The following MEGF8 variants were observed in gnomAD, a reference collection of about 807,000 sequenced individuals.
MEGF8 encodes the protein multiple EGF like domains 8, also known as multiple epidermal growth factor-like domains protein 8.
Under a neutral mutation model 302.9 loss-of-function variants are expected in MEGF8, and 156 were observed. The observed-to-expected ratio is 0.52, with a 90% CI of 0.45 to 0.59. The LOEUF is 0.59. Ranked by LOEUF, MEGF8 falls within the 20% of genes least tolerant of loss-of-function variation. The pLI, the probability that MEGF8 is intolerant of heterozygous loss-of-function variation, is 0.00. For missense variants in MEGF8, 3,345 were observed against 3,964.5 expected (o/e 0.84, Z 4.20); for synonymous variants, 1,621 against 1,660.5 (o/e 0.98, Z 0.58).
intron 8 of MEGF8, among the ~76,000 whole-genome samples, chr19:42,340,642 A>G (rs972140114): frequency 1.4e-5 from 2 of 147,156 alleles, no homozygotes; most frequent in African/African-American, 2.5e-5. Flanking sequence ...GTGCCCGGCC[A>G]GGCATTATTA....
rs1354145274 is a variant in MEGF8, at chr19:42,375,326, A to C, written c.7270-181A>C. On this transcript the variant is annotated intron_variant, in intron 41 of 41. Coordinates refer to ENST00000251268, the MANE Select transcript of MEGF8 (RefSeq NM_001271938.2). This position sits in a 1 kb window ranked among gnomAD's most constrained non-coding sequence, Gnocchi z 7.1. ...CAGTGCTGGAGTGCCAGGTCCTGGC[A>C]AGGTCTACACTGTGGCAGAGAAGGT... 6.6e-6 allele frequency among the ~76,000 whole-genome samples: 1 copy of C among 152,110 alleles called. No homozygotes were observed. Among genetic ancestry groups the C allele is most frequent in the South Asian group, 2.1e-4 (1 of 4,830 alleles).
chr19:42,342,464 C>G (rs2039227988), intron 8 of MEGF8, among the ~76,000 whole-genome samples: 1 of 152,146 alleles, frequency 6.6e-6, no homozygotes, highest in Admixed American at 6.6e-5. Context: ...CAGTAAAACC[C>G]CGTTTTTACT....
In MEGF8 at chr19:42,343,328, A is replaced by C. The variant is rs2039241040; in HGVS notation, c.1514-149A>C. Reference sequence around the variant, plus strand: ...GAGGGAGCTCAGCTTGTTCAGGGCCAGGTGGGCTGGGAGAGTGTCCTTGGG... The same window carrying C: ...GAGGGAGCTCAGCTTGTTCAGGGCCCGGTGGGCTGGGAGAGTGTCCTTGGG... On this transcript the variant is annotated intron_variant, in intron 8 of 41. Coordinates refer to ENST00000251268, the MANE Select transcript of MEGF8 (RefSeq NM_001271938.2). The C allele has an allele frequency of 1.3e-5, 10 of 755,722 alleles. No individual in the cohort carries two copies. In the South Asian group the frequency reaches 2.5e-4, roughly 19 times the overall value. 46.8% of individuals were successfully genotyped at this position (755,722 alleles called of 1,614,324 possible). A position where few individuals can be genotyped will look rare whatever the true frequency, so the allele number is the denominator to read the frequency against.
chr19:42,354,733 G>A lies in MEGF8; in HGVS notation c.4144+13G>A. ...CAGGCCCTGTCTGGTACGGGGGCTA[G>A]GGGAAGTGGGACCTCTTAGTCCTGG... On this transcript the variant is annotated intron_variant, in intron 23 of 41. Transcript: ENST00000251268. This position sits in a 1 kb window ranked among gnomAD's most constrained non-coding sequence, Gnocchi z 4.3. 1 of 1,591,618 alleles carries A rather than the reference G, an allele frequency of 6.3e-7. No individual in the cohort carries two copies. Among genetic ancestry groups the A allele is most frequent in the Non-Finnish European group, 8.5e-7 (1 of 1,170,430 alleles).
In MEGF8 at chr19:42,351,599, C is replaced by G. The variant is rs774179916; in HGVS notation, c.2987+39C>G. On this transcript the variant is annotated intron_variant, in intron 17 of 41. Transcript: ENST00000251268. The surrounding 1 kb of genome is among the most constrained non-coding windows in gnomAD (Gnocchi z 5.6). ...GGCAGGGCTAACAGAGGAAGATTCC[C>G]CACCGGCAAGGGGCTGGGGCTCTGA... 1.5e-5 allele frequency: 24 copies of G among 1,603,046 alleles called. No homozygotes were observed. The highest frequency in any genetic ancestry group is 2.0e-5 in the Non-Finnish European group (23 of 1,175,250).
In MEGF8 at chr19:42,359,217, T is replaced by C. The variant is rs370482940; in HGVS notation, c.5463T>C (p.Asn1821=). The change falls in exon 31 of 42, where the codon AAT becomes AAC. Residue 1821 remains asparagine, a synonymous_variant. Coordinates refer to ENST00000251268, the MANE Select transcript of MEGF8 (RefSeq NM_001271938.2). ...TTCTGCTCTACCAGGTCAACTGCAA[T>C]GCCTGGCTTCTGCCCGACCTCACCC... is the stretch of plus-strand genomic sequence containing the variant. ...SDVLLYQVNC[N]AWLLPDLTRS... The C allele has an allele frequency of 8.2e-6, 13 of 1,589,496 alleles. No homozygotes were observed. The South Asian group carries it at 1.1e-4, about 14-fold the overall frequency.
Position 42,358,344 on chromosome 19 carries a change from G to A in MEGF8, c.5175+37G>A. On this transcript the variant is annotated intron_variant, in intron 29 of 41. Transcript: ENST00000251268. The surrounding 1 kb of genome is among the most constrained non-coding windows in gnomAD (Gnocchi z 4.4). Reference sequence around the variant, plus strand: ...AGGCTCAGACCCAAGGATGTATGGGGCAGGAGGGAGGGGTCCTCTTTCCCA... The same window carrying A: ...AGGCTCAGACCCAAGGATGTATGGGACAGGAGGGAGGGGTCCTCTTTCCCA... 1 of 1,555,798 alleles carries A rather than the reference G, an allele frequency of 6.4e-7. No homozygotes were observed. The highest frequency in any genetic ancestry group is 8.7e-7 in the Non-Finnish European group (1 of 1,155,368).
chr19:42,362,238 G>A, intron 33 of MEGF8, 25 bp downstream of exon 33: 1 of 1,609,886 alleles, frequency 6.2e-7, no homozygotes, highest in Non-Finnish European at 8.5e-7. Context: ...AGGCAGGGAT[G>A]AGAAGCAGCA....
Position 42,359,099 on chromosome 19 carries a change from C to T in MEGF8, c.5345C>T (p.Pro1782Leu), listed in dbSNP as rs537432708. The change falls in exon 31 of 42, where the codon CCC becomes CTC. Residue 1782 changes from proline to leucine, a missense_variant and splice_region_variant. Transcript: ENST00000251268. ...CCCCACCCCCCGTCTCCCCAACAGC[C>T]CCGCCCCCGGCTTTTCCACGCCTCA... ...LEEISPHLKE[P>L]RPRLFHASAL... 15 of 1,523,072 alleles carry T rather than the reference C, an allele frequency of 9.8e-6. No individual in the cohort carries two copies. The African/African-American group carries it at 1.7e-4, about 17-fold the overall frequency. 94.3% of individuals were successfully genotyped at this position (1,523,072 alleles called of 1,614,324 possible). A position where few individuals can be genotyped will look rare whatever the true frequency, so the allele number is the denominator to read the frequency against.
At chr19:42,333,544 G>T in intron 1 of MEGF8, 61 bp from the exon 2 acceptor site, 1 of 1,525,820 alleles carries the variant, frequency 6.6e-7, no homozygotes, top group South Asian at 1.2e-5. Flanking sequence ...GTGGGAGGCT[G>T]CAGGGAGGTG....
In MEGF8 at chr19:42,375,102, C is replaced by T. The variant is rs2039746854; in HGVS notation, c.7270-405C>T. Among the ~76,000 whole-genome samples the T allele has an allele frequency of 6.6e-6, 1 of 152,162 alleles. No individual in the cohort carries two copies. The highest frequency in any genetic ancestry group is 1.5e-5 in the Non-Finnish European group (1 of 68,032). On this transcript the variant is annotated intron_variant, in intron 41 of 41. Coordinates refer to ENST00000251268, the MANE Select transcript of MEGF8 (RefSeq NM_001271938.2). This position sits in a 1 kb window ranked among gnomAD's most constrained non-coding sequence, Gnocchi z 7.1. ...GATCTCAGTGGTCCTGTGAGCGAGC[C>T]GTGGTTACTCCCTGTGTGCAGAGCT...
chr19:42,364,307 C>A (rs530863592), intron 35 of MEGF8, among the ~76,000 whole-genome samples: 14 of 152,304 alleles, frequency 9.2e-5, no homozygotes, highest in Admixed American at 2.0e-4. Context: ...CCACTGCCCC[C>A]CCGTGGGAGA....
In MEGF8 at chr19:42,375,863, G is replaced by T. The variant is rs905726210; in HGVS notation, c.7626G>T (p.Gly2542=). The T allele has an allele frequency of 1.9e-6, 3 of 1,607,156 alleles. No homozygotes were observed. The African/African-American group carries it at 4.0e-5, about 21-fold the overall frequency. ...CTCCACCACCCCCTGCAGATGGTGG[G>T]CCCCGGGGGGCTGGGGATCCAGGAG... ...PPPPPPPADG[G]PRGAGDPGGA... The change falls in exon 42 of 42, where the codon GGG becomes GGT. Residue 2542 remains glycine (G), a synonymous_variant. Transcript: ENST00000251268. This position sits in a 1 kb window ranked among gnomAD's most constrained non-coding sequence, Gnocchi z 7.1.
chr19:42,337,313 G>C, intron 8 of MEGF8, 107 bp downstream of exon 8: 1 of 1,508,688 alleles, frequency 6.6e-7, no homozygotes, highest in Non-Finnish European at 9.0e-7. Flanking sequence ...CTGACATCCA[G>C]GCCAGTTGGT....
At position 42,357,500 on chromosome 19, in the gene MEGF8, A is replaced by G. The variant is rs781022903; in HGVS notation, c.4927A>G (p.Asn1643Asp). ...CCTGGTGGGCGGTTACTCCCCGGAA[A>G]ATGGCTTCAACCAGCAGCTGCTGGA... Reference protein sequence around the residue: ...LLLVGGYSPENGFNQQLLEYQ... With the variant: ...LLLVGGYSPEDGFNQQLLEYQ... Residue 1643 changes from asparagine (N) to aspartate (D), a missense_variant, in exon 28 of 42, where the codon AAT becomes GAT. By Grantham distance (23) the Asn-to-Asp change is conservative (BLOSUM62 1). Transcript: ENST00000251268. The surrounding 1 kb of genome is among the most constrained non-coding windows in gnomAD (Gnocchi z 5.2). 11 of 1,613,618 alleles carry G rather than the reference A, an allele frequency of 6.8e-6. No homozygotes were observed. Among genetic ancestry groups the G allele is most frequent in the Non-Finnish European group, 9.3e-6 (11 of 1,179,758 alleles).
At position 42,352,685 on chromosome 19, in the gene MEGF8, G is replaced by A; in HGVS notation, c.3350+229G>A. ...CATAGGCTGTGGGCCATAGTCTTCA[G>A]CGTTGCCATGGAGGCGGAGGAGGAC... On this transcript the variant is annotated intron_variant, in intron 19 of 41. Coordinates refer to ENST00000251268, the MANE Select transcript of MEGF8 (RefSeq NM_001271938.2). The surrounding 1 kb of genome is among the most constrained non-coding windows in gnomAD (Gnocchi z 4.4). The A allele has an allele frequency of 1.5e-6, 1 of 668,038 alleles. No individual in the cohort carries two copies. Among genetic ancestry groups the A allele is most frequent in the East Asian group, 2.7e-5 (1 of 36,596 alleles). 41.4% of individuals were successfully genotyped at this position (668,038 alleles called of 1,614,324 possible). A position where few individuals can be genotyped will look rare whatever the true frequency, so the allele number is the denominator to read the frequency against.
rs2039444037 is a variant in MEGF8 at position 42,355,864 on chromosome 19, C to A, written c.4251C>A (p.Val1417=). Residue 1417 remains valine, a synonymous_variant, in exon 24 of 42, where the codon GTC becomes GTA. Coordinates refer to ENST00000251268, the MANE Select transcript of MEGF8 (RefSeq NM_001271938.2). ...CAGGGGGCCCCGGGAGCTGTCCCGT[C>A]CCCCAGGAATGCGTGCCCCAGGACG... is the stretch of plus-strand genomic sequence containing the variant. ...CGSGGPGSCP[V]PQECVPQDGA... is the part of the protein sequence containing the mutation. The A allele has an allele frequency of 6.4e-7, 1 of 1,570,936 alleles. No homozygotes were observed. Among genetic ancestry groups the A allele is most frequent in the Non-Finnish European group, 8.6e-7 (1 of 1,158,326 alleles).
At chr19:42,340,214 C>T (rs1244262023) in intron 8 of MEGF8, among the ~76,000 whole-genome samples, 2 of 152,084 alleles carry the variant, frequency 1.3e-5, no homozygotes, top group African/African-American at 4.8e-5. Flanking sequence ...CCACACATTT[C>T]CTTTCTTTTT....
chr19:42,329,878 A>G (rs2039033572), intron 1 of MEGF8, among the ~76,000 whole-genome samples: 4 of 151,354 alleles, frequency 2.6e-5, no homozygotes, highest in African/African-American at 9.7e-5. Context: ...TCTCAGGGAA[A>G]AAAAAAAAAA....
Sources: gnomAD v4.1 joint callset for allele counts (sites outside exome capture counted in the v4.1 genomes callset) on GRCh38, gnomAD v4.1.1 for gene constraint, Gnocchi (gnomAD v3.1) non-coding constraint, MANE v1.5 for transcripts, NCBI Gene and HGNC (gene_info 2026-07-23, HGNC 2026-07-21) for gene names.